Variants in SH2D4A observed in about 807,000 individuals in gnomAD.
SH2D4A encodes the protein SH2 domain-containing protein 4A.
A neutral mutation model predicts 64.7 loss-of-function variants in SH2D4A; 70 were observed. That is an observed-to-expected ratio of 1.08 (90% CI 0.89 to 1.32). SH2D4A has a LOEUF of 1.32. Ranked by LOEUF, SH2D4A falls within the 40% of genes most tolerant of loss-of-function variation. The pLI, the probability that SH2D4A is intolerant of heterozygous loss-of-function variation, is 0.00. For missense variants in SH2D4A, 706 were observed against 540.1 expected (o/e 1.31, Z -3.04); for synonymous variants, 268 against 200.7 (o/e 1.34, Z -2.83).
intron 2 of SH2D4A, among the ~76,000 whole-genome samples, chr8:19,330,381 G>A (rs1182297458): frequency 6.6e-6 from 1 of 152,146 alleles, no homozygotes; most frequent in Non-Finnish European, 1.5e-5. Flanking sequence ...ACTCTGTCAA[G>A]AGCCCGTTTT....
chr8:19,377,617 TTA>T (rs1258661724), intron 8 of SH2D4A, among the ~76,000 whole-genome samples: 1 of 152,224 alleles, frequency 6.6e-6, no homozygotes, highest in African/African-American at 2.4e-5. Context: ...TTGTCCTTGC[TTA>T]TACACATAGA....
At chr8:19,345,108 T>C (rs1167363322) in intron 4 of SH2D4A, among the ~76,000 whole-genome samples, 1 of 152,224 alleles carries the variant, frequency 6.6e-6, no homozygotes, top group Non-Finnish European at 1.5e-5. Flanking sequence ...GAGAGACTTT[T>C]AAATTGTTTA....
intron 8 of SH2D4A, among the ~76,000 whole-genome samples, chr8:19,378,380 T>G (rs995305506): frequency 5.9e-5 from 9 of 152,218 alleles, no homozygotes; most frequent in Non-Finnish European, 1.3e-4. Context: ...GGAGACTCTA[T>G]TTATTATGTA....
chr8:19,333,148 GAC>G, intron 3 of SH2D4A, 34 bp downstream of exon 3: 3 of 1,575,482 alleles, frequency 1.9e-6, no homozygotes, highest in Non-Finnish European at 2.6e-6. Flanking sequence ...GAGACTTAAA[GAC>G]TCTCCAGACT....
At chr8:19,387,284 T>A (rs1585212467) in intron 8 of SH2D4A, among the ~76,000 whole-genome samples, 2 of 79,196 alleles carry the variant, frequency 2.5e-5, no homozygotes, top group Admixed American at 2.4e-4. Context: ...GATGGGGTCT[T>A]GCCAAGCTGG....
intron 2 of SH2D4A, among the ~76,000 whole-genome samples, chr8:19,332,724 A>C (rs2052382949): frequency 6.6e-6 from 1 of 151,514 alleles, no homozygotes; most frequent in Admixed American, 6.6e-5. Flanking sequence ...GCACGGGCAA[A>C]AAACATACCC....
At chr8:19,393,297 C>A in intron 8 of SH2D4A, 21 bp from the exon 9 acceptor site, 1 of 1,612,050 alleles carries the variant, frequency 6.2e-7, no homozygotes, top group Non-Finnish European at 8.5e-7. Flanking sequence ...GAAATACCTG[C>A]CTTTTTTTGC....
chr8:19,317,767 G>A (rs375617616), intron 1 of SH2D4A, among the ~76,000 whole-genome samples: 12 of 152,292 alleles, frequency 7.9e-5, no homozygotes, highest in African/African-American at 2.6e-4. Flanking sequence ...TCATAATATA[G>A]CTAAGTGACT....
Position 19,332,964 on chromosome 8 carries a change from A to G in SH2D4A, c.191A>G (p.Lys64Arg). 1 of 1,610,488 alleles carries G rather than the reference A, an allele frequency of 6.2e-7. No homozygotes were observed. Among genetic ancestry groups the G allele is most frequent in the Admixed American group, 1.7e-5 (1 of 58,950 alleles). The change falls in exon 3 of 10, where the codon AAA (lysine) becomes AGA (arginine). Residue 64 changes from lysine (K) to arginine (R), a missense_variant. Transcript: ENST00000265807. ...GTGTGTTTGTTTGCAGAGAATGGCA[A>G]ATCGGTTCATTGGAAACTTGGAGCT... The part of the protein sequence containing the change: ...VKPRPKKENG[K>R]SVHWKLGADK...
intron 4 of SH2D4A, among the ~76,000 whole-genome samples, chr8:19,355,445 A>G (rs1466980373): frequency 6.6e-6 from 1 of 152,216 alleles, no homozygotes; most frequent in Non-Finnish European, 1.5e-5. Context: ...ATACTTTTAT[A>G]ATATTAAAAT....
intron 6 of SH2D4A, among the ~76,000 whole-genome samples, chr8:19,362,393 T>C (rs1413395452): frequency 6.6e-6 from 1 of 152,220 alleles, no homozygotes; most frequent in Non-Finnish European, 1.5e-5. Context: ...CAAAAAATTC[T>C]GTTTTACAAA....
chr8:19,341,551 C>T (rs1277668595), intron 4 of SH2D4A, among the ~76,000 whole-genome samples: 1 of 152,062 alleles, frequency 6.6e-6, no homozygotes, highest in African/African-American at 2.4e-5. Flanking sequence ...AATGAAAGGT[C>T]ATCACTAGAG....
intron 8 of SH2D4A, among the ~76,000 whole-genome samples, chr8:19,382,457 C>T (rs1316184973): frequency 6.6e-6 from 1 of 152,108 alleles, no homozygotes; most frequent in Non-Finnish European, 1.5e-5. Context: ...TTGTGTTTTT[C>T]ACTTTCAATA....
At chr8:19,362,379 A>G (rs965886658) in intron 6 of SH2D4A, among the ~76,000 whole-genome samples, 4 of 152,210 alleles carry the variant, frequency 2.6e-5, no homozygotes, top group Non-Finnish European at 4.4e-5. Flanking sequence ...TCTCATTGCT[A>G]TAACAAAAAA....
intron 4 of SH2D4A, among the ~76,000 whole-genome samples, chr8:19,349,173 G>C (rs981168621): frequency 6.6e-6 from 1 of 152,140 alleles, no homozygotes; most frequent in Non-Finnish European, 1.5e-5. Flanking sequence ...GACATACCAG[G>C]TAAAAACAGA....
chr8:19,380,526 A>G (rs141322022), intron 8 of SH2D4A, among the ~76,000 whole-genome samples: 18 of 152,102 alleles, frequency 1.2e-4, no homozygotes, highest in African/African-American at 4.3e-4. Flanking sequence ...TAAGTCTTTG[A>G]TCCCTTTTGA....
At chr8:19,335,093 C>T (rs1162086016) in intron 4 of SH2D4A, among the ~76,000 whole-genome samples, 2 of 151,990 alleles carry the variant, frequency 1.3e-5, no homozygotes, top group East Asian at 3.9e-4. Context: ...ACCATCCTGG[C>T]TAACACGGTG....
At chr8:19,330,271 T>G (rs1042841442) in intron 2 of SH2D4A, among the ~76,000 whole-genome samples, 2 of 152,056 alleles carry the variant, frequency 1.3e-5, no homozygotes, top group Non-Finnish European at 2.9e-5. Context: ...CTTCAGGGAG[T>G]TCATGGAACC....
chr8:19,368,436 TC>T (rs1015938046), intron 7 of SH2D4A, among the ~76,000 whole-genome samples: 6 of 152,102 alleles, frequency 3.9e-5, no homozygotes, highest in African/African-American at 1.4e-4. Context: ...TTGAATCAGA[TC>T]TTTTTGGGTA....
Sources: gnomAD v4.1 joint callset for allele counts (sites outside exome capture counted in the v4.1 genomes callset) on GRCh38, gnomAD v4.1.1 for gene constraint, MANE v1.5 for transcripts, NCBI Gene and HGNC (gene_info 2026-07-23, HGNC 2026-07-21) for gene names.